The following KIRREL3 variants were observed in gnomAD, a reference collection of about 807,000 sequenced individuals.
The protein encoded by KIRREL3 is kirre like nephrin family adhesion molecule 3.
KIRREL3 carries 36 observed loss-of-function variants against 89.7 expected under a neutral mutation model. That is an observed-to-expected ratio of 0.40 (90% CI 0.31 to 0.53). KIRREL3 has a LOEUF of 0.53. KIRREL3 is among the 20% of genes least tolerant of loss of function. The pLI is 0.49. For missense variants in KIRREL3, 864 were observed against 1,056.6 expected, an observed-to-expected ratio of 0.82 and a Z score of 2.53; for synonymous variants, 445 against 441.4, an observed-to-expected ratio of 1.01 and a Z score of -0.10.
Position 126,463,383 on chromosome 11 carries a change from G to A in KIRREL3, c.592-76C>T, listed in dbSNP as rs1305464903. ...TGGCCAGCCTGGGTTGGGGGTAAAC[G>A]AGCACCAGCTTAGACAGAAGGGGGA... On this transcript the variant is annotated intron_variant, in intron 5 of 16. Coordinates refer to ENST00000525144, the MANE Select transcript of KIRREL3 (RefSeq NM_032531.4). The surrounding 1 kb of genome is among the most constrained non-coding windows in gnomAD (Gnocchi z 5.9). The A allele has an allele frequency of 4.2e-6, 6 of 1,443,398 alleles. No homozygotes were observed. Among genetic ancestry groups the A allele is most frequent in the African/African-American group, 1.4e-5 (1 of 71,732 alleles). The allele number at this position is 1,443,398 out of a possible 1,614,324, so 89.4% of individuals were successfully genotyped here.
In KIRREL3 at chr11:126,485,394, A is replaced by G. The variant is rs1249113028; in HGVS notation, c.434-11928T>C. Among the ~76,000 whole-genome samples, 1 of 152,110 alleles carries G rather than the reference A, an allele frequency of 6.6e-6. No individual in the cohort carries two copies. The highest frequency in any genetic ancestry group is 1.5e-5 in the Non-Finnish European group (1 of 68,012). ...AGCCCACTTCTCAGCTGGAGCTCAT[A>G]TTGTTTAGGGGATAAGAAGGGAGGC... On this transcript the variant is annotated intron_variant, in intron 4 of 16. Coordinates refer to ENST00000525144, the MANE Select transcript of KIRREL3 (RefSeq NM_032531.4). The surrounding 1 kb of genome is among the most constrained non-coding windows in gnomAD (Gnocchi z 5.8).
At chr11:126,538,772 C>G (rs12274950) in intron 2 of KIRREL3, among the ~76,000 whole-genome samples, 8,620 of 152,216 alleles carry the variant, frequency 0.057, 733 homozygotes, top group African/African-American at 0.19. Context: ...CTCCAAGTCC[C>G]CAGGTTGGGT....
intron 1 of KIRREL3, among the ~76,000 whole-genome samples, chr11:126,941,220 T>A (rs1948432359): frequency 2.0e-5 from 3 of 152,090 alleles, no homozygotes; most frequent in Admixed American, 2.0e-4. Context: ...ACCCTCAGCA[T>A]CATTTTTGGC....
chr11:126,997,067 G>A lies in KIRREL3; in HGVS notation c.55+3388C>T, dbSNP rs901357268. Reference sequence around the variant, plus strand: ...TCAGAGATCTCCCTGGAGGCAGGGAGTCATCAGTCCTCTAGGACCTTATTC... The same window carrying A: ...TCAGAGATCTCCCTGGAGGCAGGGAATCATCAGTCCTCTAGGACCTTATTC... On this transcript the variant is annotated intron_variant, in intron 1 of 16. Transcript: ENST00000525144. The surrounding 1 kb of genome is among the most constrained non-coding windows in gnomAD (Gnocchi z 4.3). Among the ~76,000 whole-genome samples the A allele has an allele frequency of 6.6e-6, 1 of 152,172 alleles. No homozygotes were observed. The highest frequency in any genetic ancestry group is 1.5e-5 in the Non-Finnish European group (1 of 68,042).
intron 1 of KIRREL3, chr11:126,945,024 C>G (rs1422311313): frequency 1.3e-5 from 2 of 152,202 alleles, no homozygotes; most frequent in Non-Finnish European, 2.9e-5. Context: ...CTGTCCACTC[C>G]AATCAAGAAC....
chr11:126,491,998 G>A lies in KIRREL3; in HGVS notation c.434-18532C>T, dbSNP rs1416380641. The stretch of plus-strand genomic sequence containing the variant: ...ATTACAGGTGTGAGCCACCACGCCT[G>A]GGAGATTTGGAGTATTGATAGAGGG... On this transcript the variant is annotated intron_variant, in intron 4 of 16. Coordinates refer to ENST00000525144, the MANE Select transcript of KIRREL3 (RefSeq NM_032531.4). This position sits in a 1 kb window ranked among gnomAD's most constrained non-coding sequence, Gnocchi z 5.5. 6.6e-6 allele frequency among the ~76,000 whole-genome samples: 1 copy of A among 152,130 alleles called. No individual in the cohort carries two copies. Among genetic ancestry groups the A allele is most frequent in the Non-Finnish European group, 1.5e-5 (1 of 68,028 alleles).
In KIRREL3 at chr11:126,561,410, C is replaced by T. The variant is rs1267945584; in HGVS notation, c.133+1425G>A. Among the ~76,000 whole-genome samples, 1 of 152,146 alleles carries T rather than the reference C, an allele frequency of 6.6e-6. No individual in the cohort carries two copies. The highest frequency in any genetic ancestry group is 1.5e-5 in the Non-Finnish European group (1 of 68,022). ...GCCCAGCTCCTGACTTTTTGGCTTC[C>T]CCAATCCCTACAAACCTCTTTCGAG... On this transcript the variant is annotated intron_variant, in intron 2 of 16. Coordinates refer to ENST00000525144, the MANE Select transcript of KIRREL3 (RefSeq NM_032531.4). The surrounding 1 kb of genome is among the most constrained non-coding windows in gnomAD (Gnocchi z 4.5).
In KIRREL3 at chr11:126,531,750, C is replaced by T. The variant is rs138961908; in HGVS notation, c.134-5063G>A. 1.3e-5 allele frequency among the ~76,000 whole-genome samples: 2 copies of T among 152,204 alleles called. No homozygotes were observed. Among genetic ancestry groups the T allele is most frequent in the African/African-American group, 4.8e-5 (2 of 41,440 alleles). On this transcript the variant is annotated intron_variant, in intron 2 of 16. Transcript: ENST00000525144. This position sits in a 1 kb window ranked among gnomAD's most constrained non-coding sequence, Gnocchi z 4.7. Reference sequence around the variant, plus strand: ...TTGAGCACCTACTATATGTCAGATGCTGATGAAACAGAAATAAGGAAGAAA... The same window carrying T: ...TTGAGCACCTACTATATGTCAGATGTTGATGAAACAGAAATAAGGAAGAAA...
chr11:126,664,451 C>T lies in KIRREL3; in HGVS notation c.56-101539G>A, dbSNP rs961581639. Among the ~76,000 whole-genome samples the T allele has an allele frequency of 3.3e-5, 5 of 152,166 alleles. No individual in the cohort carries two copies. The highest frequency in any genetic ancestry group is 1.2e-4 in the African/African-American group (5 of 41,446). ...TTGAGAAGCACCTCCTTCCTCCCAC[C>T]TGCCTACTCTAAATGAAACAGCTCT... is the stretch of plus-strand genomic sequence containing the variant. On this transcript the variant is annotated intron_variant, in intron 1 of 16. Coordinates refer to ENST00000525144, the MANE Select transcript of KIRREL3 (RefSeq NM_032531.4). This position sits in a 1 kb window ranked among gnomAD's most constrained non-coding sequence, Gnocchi z 5.4.
At position 126,552,311 on chromosome 11, in the gene KIRREL3, G is replaced by A. The variant is rs183079891; in HGVS notation, c.133+10524C>T. Among the ~76,000 whole-genome samples the A allele has an allele frequency of 3.9e-3, 600 of 152,240 alleles. 6 individuals are homozygous for A. Among genetic ancestry groups the A allele is most frequent in the Middle Eastern group, 0.01 (3 of 294 alleles). The stretch of plus-strand genomic sequence containing the variant: ...TACCATTCATACCCGGGAAGGTTAC[G>A]TAAGTTCCAAACGAGTGGACTATTC... On this transcript the variant is annotated intron_variant, in intron 2 of 16. Transcript: ENST00000525144.
At chr11:126,852,088 C>T (rs144551087) in intron 1 of KIRREL3, among the ~76,000 whole-genome samples, 1 of 138,824 alleles carries the variant, frequency 7.2e-6, no homozygotes, top group East Asian at 2.1e-4. Context: ...GAGTCTAGCA[C>T]TGTCTCCCAG....
At chr11:126,820,739 C>G (rs540854765) in intron 1 of KIRREL3, among the ~76,000 whole-genome samples, 3 of 151,946 alleles carry the variant, frequency 2.0e-5, no homozygotes, top group Non-Finnish European at 4.4e-5. Context: ...GGAGGCAGGA[C>G]ACAGAGGCCA....
intron 1 of KIRREL3, among the ~76,000 whole-genome samples, chr11:126,762,716 T>A (rs1182408980): frequency 6.6e-6 from 1 of 152,168 alleles, no homozygotes; most frequent in African/African-American, 2.4e-5. Context: ...GGTTTCAATG[T>A]TGTTAAGTTG....
rs1305307935 is a variant in KIRREL3 at position 126,521,672 on chromosome 11, CTGTATGTGTGTGTGTGTGTGTGTG to C, written c.284-232_284-209del. 2.1e-4 allele frequency among the ~76,000 whole-genome samples: 9 copies of C among 42,978 alleles called. No individual in the cohort carries two copies. The highest frequency in any genetic ancestry group is 1.7e-3 in the Admixed American group (7 of 4,122). 28.2% of individuals were successfully genotyped at this position (42,978 alleles called of 152,430 possible). ...AGGTGTTGGTTCTCTCTCTCTCTCT[CTGTATGTGTGTGTGTGTGTGTGTG>C]TGTGTGTGTGTGTGTGTGTGTGTGT... On this transcript the variant is annotated intron_variant, in intron 3 of 16. Coordinates refer to ENST00000525144, the MANE Select transcript of KIRREL3 (RefSeq NM_032531.4). The surrounding 1 kb of genome is among the most constrained non-coding windows in gnomAD (Gnocchi z 4.1).
intron 7 of KIRREL3, among the ~76,000 whole-genome samples, chr11:126,453,274 G>T (rs1436190902): frequency 2.6e-5 from 4 of 152,134 alleles, no homozygotes; most frequent in East Asian, 1.9e-4. Flanking sequence ...GCCACATCCC[G>T]CTATCTGCTG....
intron 1 of KIRREL3, among the ~76,000 whole-genome samples, chr11:126,779,347 C>T (rs1719297079): frequency 6.6e-6 from 1 of 152,178 alleles, no homozygotes; most frequent in Non-Finnish European, 1.5e-5. Context: ...CCCTTCATTC[C>T]TCTGTGACCC....
chr11:126,640,364 A>G lies in KIRREL3; in HGVS notation c.56-77452T>C, dbSNP rs933839184. On this transcript the variant is annotated intron_variant, in intron 1 of 16. Coordinates refer to ENST00000525144, the MANE Select transcript of KIRREL3 (RefSeq NM_032531.4). This position sits in a 1 kb window ranked among gnomAD's most constrained non-coding sequence, Gnocchi z 4.9. ...CACACAGACGCGCGTGTGCGCGCGCACACACACGCACACGCGCACACACAG... is the reference window on the plus strand; with the variant it reads ...CACACAGACGCGCGTGTGCGCGCGCGCACACACGCACACGCGCACACACAG... Among the ~76,000 whole-genome samples, 4 of 152,098 alleles carry G rather than the reference A, an allele frequency of 2.6e-5. No individual in the cohort carries two copies. The highest frequency in any genetic ancestry group is 9.7e-5 in the African/African-American group (4 of 41,432).
chr11:126,961,221 C>G (rs1949076433), intron 1 of KIRREL3, among the ~76,000 whole-genome samples: 1 of 152,144 alleles, frequency 6.6e-6, no homozygotes, highest in Non-Finnish European at 1.5e-5. Flanking sequence ...AAATCAAAAG[C>G]TAGAAATGAC....
Position 126,994,192 on chromosome 11 carries a change from T to A in KIRREL3, c.55+6263A>T, listed in dbSNP as rs111920509. ...CACACTGATTTAACATTAAGTGGTG[T>A]GTGCGTGTGTGTGTGTGTATGTGTT... On this transcript the variant is annotated intron_variant, in intron 1 of 16. Coordinates refer to ENST00000525144, the MANE Select transcript of KIRREL3 (RefSeq NM_032531.4). This position sits in a 1 kb window ranked among gnomAD's most constrained non-coding sequence, Gnocchi z 5.2. 2.0e-3 allele frequency among the ~76,000 whole-genome samples: 301 copies of A among 151,636 alleles called. No homozygotes were observed. Among genetic ancestry groups the A allele is most frequent in the African/African-American group, 7.0e-3 (287 of 41,020 alleles).
Sources: allele counts gnomAD v4.1 joint callset (sites outside exome capture counted in the v4.1 genomes callset), GRCh38; gene constraint gnomAD v4.1.1; non-coding constraint Gnocchi (gnomAD v3.1); transcripts MANE v1.5; gene names NCBI Gene and HGNC (gene_info 2026-07-23, HGNC 2026-07-21).